The following TNRC18 variants were observed in gnomAD, a reference collection of about 807,000 sequenced individuals.
TNRC18 encodes the protein trinucleotide repeat containing 18.
A neutral mutation model predicts 226.7 loss-of-function variants in TNRC18; 69 were observed. That is an observed-to-expected ratio of 0.30 (90% CI 0.25 to 0.37). The LOEUF is 0.37. Ranked by LOEUF, TNRC18 falls within the 10% of genes least tolerant of loss-of-function variation. The pLI is 1.00. For missense variants in TNRC18, 4,754 were observed against 4,256.6 expected (o/e 1.12, Z -3.25); for synonymous variants, 2,449 against 1,927.6 (o/e 1.27, Z -7.09).
chr7:5,418,363 C>T (rs371121960), intron 2 of TNRC18, among the ~76,000 whole-genome samples: 68 of 152,312 alleles, frequency 4.5e-4, no homozygotes, highest in African/African-American at 1.5e-3. Flanking sequence ...GAGAAAGAGG[C>T]CAAACCCCTC....
intron 2 of TNRC18, among the ~76,000 whole-genome samples, chr7:5,418,554 C>T (rs1039962028): frequency 1.3e-5 from 2 of 152,228 alleles, no homozygotes; most frequent in African/African-American, 2.4e-5. Context: ...CCTGACAGCG[C>T]TCATCCACGT....
intron 2 of TNRC18, among the ~76,000 whole-genome samples, chr7:5,407,748 C>G (rs1781572795): frequency 6.6e-6 from 1 of 152,226 alleles, no homozygotes; most frequent in Non-Finnish European, 1.5e-5. Context: ...GCCCCTAGGG[C>G]TCCAGACTTT....
intron 2 of TNRC18, among the ~76,000 whole-genome samples, chr7:5,408,702 C>T (rs188826877): frequency 2.6e-5 from 4 of 152,148 alleles, no homozygotes; most frequent in Middle Eastern, 3.4e-3. Flanking sequence ...AAGAGATGTG[C>T]GGCCTGGCAC....
rs11366632 is a variant in TNRC18 at position 5,311,819 on chromosome 7, T to TA, written c.8388+683dup. On this transcript the variant is annotated intron_variant, in intron 27 of 29. Coordinates refer to ENST00000430969, the MANE Select transcript of TNRC18 (RefSeq NM_001080495.3). The stretch of plus-strand genomic sequence containing the variant: ...GGTGACGGAGCAAGATCCTGTCTCT[T>TA]AAAAAAAAAAAAAGAAAGAAAGAAA... Among the ~76,000 whole-genome samples the TA allele has an allele frequency of 4.7e-3, 665 of 140,418 alleles. 7 individuals are homozygous for TA. The highest frequency in any genetic ancestry group is 0.023 in the Middle Eastern group (6 of 266). 92.1% of individuals were successfully genotyped at this position (140,418 alleles called of 152,430 possible).
chr7:5,374,856 C>G (rs1047447979), intron 9 of TNRC18, among the ~76,000 whole-genome samples: 8 of 152,264 alleles, frequency 5.3e-5, no homozygotes, highest in African/African-American at 1.9e-4. Flanking sequence ...TGGGCGCACT[C>G]ACTACCTGCT....
intron 11 of TNRC18, among the ~76,000 whole-genome samples, chr7:5,364,928 G>A (rs1017491829): frequency 8.6e-5 from 13 of 151,618 alleles, no homozygotes; most frequent in East Asian, 3.9e-4. Flanking sequence ...TATGAGCTTG[G>A]ACCTTATAAA....
At chr7:5,327,058 C>A (rs1385137528) in intron 19 of TNRC18, among the ~76,000 whole-genome samples, 6 of 151,032 alleles carry the variant, frequency 4.0e-5, no homozygotes, top group African/African-American at 1.5e-4. Context: ...AGGAGACGGA[C>A]GTTACAGTGA....
chr7:5,361,045 C>T (rs1404762387), intron 14 of TNRC18, among the ~76,000 whole-genome samples: 1 of 152,208 alleles, frequency 6.6e-6, no homozygotes, highest in Admixed American at 6.5e-5. Flanking sequence ...CTGTGCACGC[C>T]TCGCCCTGCG....
chr7:5,327,654 C>T (rs930815271), intron 19 of TNRC18, among the ~76,000 whole-genome samples: 6 of 152,064 alleles, frequency 3.9e-5, no homozygotes, highest in Admixed American at 2.0e-4. Flanking sequence ...CTTTATCTTC[C>T]AAATTACTGT....
intron 3 of TNRC18, 139 bp from the exon 4 acceptor site, chr7:5,390,767 G>T: frequency 1.0e-6 from 1 of 992,856 alleles, no homozygotes; most frequent in Non-Finnish European, 1.4e-6. Flanking sequence ...CAGCTCCTCA[G>T]GGCAATGCAT....
rs1042028414 is a variant in TNRC18 at position 5,324,204 on chromosome 7, G to A, written c.6442+10C>T. 1.5e-5 allele frequency: 24 copies of A among 1,592,990 alleles called. No individual in the cohort carries two copies. The highest frequency in any genetic ancestry group is 5.4e-5 in the African/African-American group (4 of 74,390). ...CCCCGCCCGGCACATGTGGCATCAC[G>A]GCCACTCACCCGGGGTCAGCGGCCG... On this transcript the variant is annotated intron_variant, in intron 21 of 29. Transcript: ENST00000430969. This position sits in a 1 kb window ranked among gnomAD's most constrained non-coding sequence, Gnocchi z 4.8.
intron 15 of TNRC18, 142 bp from the exon 16 acceptor site, chr7:5,357,418 A>C: frequency 3.5e-6 from 3 of 846,930 alleles, no homozygotes; most frequent in South Asian, 2.6e-5. Context: ...ATATATATTT[A>C]TTTTTTTTTT....
At chr7:5,383,217 C>T (rs1779521416) in intron 5 of TNRC18, among the ~76,000 whole-genome samples, 1 of 152,154 alleles carries the variant, frequency 6.6e-6, no homozygotes, top group African/African-American at 2.4e-5. Context: ...TGCCCCTTAT[C>T]GTTCTTAGCT....
intron 2 of TNRC18, among the ~76,000 whole-genome samples, chr7:5,418,418 C>T (rs1426459869): frequency 2.0e-5 from 3 of 152,220 alleles, no homozygotes; most frequent in Admixed American, 6.5e-5. Flanking sequence ...AGAGGACCTT[C>T]CACAGCAGAT....
Position 5,316,001 on chromosome 7 carries a change from G to T in TNRC18, c.6817C>A (p.Pro2273Thr), listed in dbSNP as rs762079588. The change falls in exon 25 of 30, where the codon CCC (proline) becomes ACC (threonine). Residue 2273 changes from proline (P) to threonine (T), a missense_variant. Transcript: ENST00000430969. Reference sequence around the variant, plus strand: ...GGCAGGAGGCGGATATGTGAGAGGGGGATCCTGCCCGTGTCTCCGTCGTCA... The same window carrying T: ...GGCAGGAGGCGGATATGTGAGAGGGTGATCCTGCCCGTGTCTCCGTCGTCA... Reference protein sequence around the residue: ...EFDDGDTGRIPLSHIRLLPPD... With the variant: ...EFDDGDTGRITLSHIRLLPPD... 1.2e-6 allele frequency: 2 copies of T among 1,603,816 alleles called. No homozygotes were observed. Among genetic ancestry groups the T allele is most frequent in the Non-Finnish European group, 8.5e-7 (1 of 1,175,414 alleles).
At chr7:5,381,597 C>A (rs1779400430) in intron 5 of TNRC18, among the ~76,000 whole-genome samples, 1 of 152,114 alleles carries the variant, frequency 6.6e-6, no homozygotes, top group African/African-American at 2.4e-5. Flanking sequence ...TGAACTCCAA[C>A]CTGGGCAACG....
intron 11 of TNRC18, among the ~76,000 whole-genome samples, chr7:5,369,931 T>C (rs1793987381): frequency 6.6e-6 from 1 of 152,216 alleles, no homozygotes; most frequent in Non-Finnish European, 1.5e-5. Flanking sequence ...AACATTTTGT[T>C]ATGTGTATCT....
chr7:5,423,453 G>C lies in TNRC18; in HGVS notation c.-256C>G, dbSNP rs2128227419. 1 of 152,250 alleles carries C rather than the reference G, an allele frequency of 6.6e-6. No individual in the cohort carries two copies. The highest frequency in any genetic ancestry group is 1.5e-5 in the Non-Finnish European group (1 of 68,016). The allele number at this position is 152,250 out of a possible 1,614,324, so 9.4% of individuals were successfully genotyped here. ...ACCGGCGGCGTACCTGGCGCGGCTG[G>C]GTTCACGGCTCCAGGCTCCGGCGAC... On this transcript the variant is annotated 5_prime_UTR_variant, in exon 1 of 30. Coordinates refer to ENST00000430969, the MANE Select transcript of TNRC18 (RefSeq NM_001080495.3).
chr7:5,377,317 C>T lies in TNRC18; in HGVS notation c.2461+54G>A. 1 of 997,234 alleles carries T rather than the reference C, an allele frequency of 1.0e-6. No homozygotes were observed. Among genetic ancestry groups the T allele is most frequent in the Non-Finnish European group, 1.5e-6 (1 of 676,690 alleles). The allele number at this position is 997,234 out of a possible 1,614,324, so 61.8% of individuals were successfully genotyped here. A position where few individuals can be genotyped will look rare whatever the true frequency, so the allele number is the denominator to read the frequency against. The stretch of plus-strand genomic sequence containing the variant: ...GCCCTGAGCTCTTGTCCTGCACCCG[C>T]CCCCTCCCACCCCTCCCTCAGAGAA... On this transcript the variant is annotated intron_variant, in intron 7 of 29. Transcript: ENST00000430969. The surrounding 1 kb of genome is among the most constrained non-coding windows in gnomAD (Gnocchi z 5.8).
Sources: allele counts gnomAD v4.1 joint callset (sites outside exome capture counted in the v4.1 genomes callset), GRCh38; gene constraint gnomAD v4.1.1; non-coding constraint Gnocchi (gnomAD v3.1); transcripts MANE v1.5; gene names NCBI Gene and HGNC (gene_info 2026-07-23, HGNC 2026-07-21).